The following ASTN2 variants were observed in gnomAD, a reference collection of about 807,000 sequenced individuals.
ASTN2 encodes the protein astrotactin-2.
In ASTN2, 54 loss-of-function variants were observed where a neutral mutation model predicts 139.8. The ratio of observed to expected loss-of-function variants is 0.39; its 90% confidence interval spans 0.31 to 0.48. The LOEUF (loss-of-function observed/expected upper bound fraction) is 0.48. ASTN2 is among the 20% of genes least tolerant of loss of function. ASTN2 has a pLI of 0.95. For synonymous variants in ASTN2, 756 were observed against 719.5 expected (o/e 1.05, Z -0.81); for missense variants, 1,565 against 1,725.1 (o/e 0.91, Z 1.64).
chr9:116,573,510 A>AT (rs771352855), intron 19 of ASTN2, among the ~76,000 whole-genome samples: 8 of 152,172 alleles, frequency 5.3e-5, no homozygotes, highest in African/African-American at 9.6e-5. Context: ...TGAATAATGG[A>AT]TTTTTTTTCC....
chr9:117,226,591 G>A (rs79546272), intron 2 of ASTN2, among the ~76,000 whole-genome samples: 2 of 133,190 alleles, frequency 1.5e-5, no homozygotes, highest in East Asian at 2.0e-4. Flanking sequence ...CTCATAAAGC[G>A]GGTTTGTTTG....
At chr9:117,218,574 T>A (rs951827858) in intron 2 of ASTN2, among the ~76,000 whole-genome samples, 2 of 151,952 alleles carry the variant, frequency 1.3e-5, no homozygotes, top group African/African-American at 4.8e-5. Flanking sequence ...AATCTGAACA[T>A]CCCTCCCTCC....
intron 19 of ASTN2, among the ~76,000 whole-genome samples, chr9:116,614,599 T>C (rs149781650): frequency 0.012 from 1,860 of 152,006 alleles, 24 homozygotes; most frequent in African/African-American, 0.039. Context: ...CTTTGACAAA[T>C]CTGACAAAAA....
intron 1 of ASTN2, among the ~76,000 whole-genome samples, chr9:117,299,929 G>A (rs1834834888): frequency 1.3e-5 from 2 of 152,286 alleles, no homozygotes; most frequent in Admixed American, 6.5e-5. Context: ...GTATCCTGGA[G>A]CACAAATTAC....
intron 11 of ASTN2, among the ~76,000 whole-genome samples, chr9:116,856,579 C>T (rs1588358166): frequency 6.6e-6 from 1 of 152,188 alleles, no homozygotes; most frequent in East Asian, 1.9e-4. Flanking sequence ...AACCAGATTC[C>T]AGCTTTTGCC....
At chr9:117,041,768 G>A (rs576131514) in intron 5 of ASTN2, among the ~76,000 whole-genome samples, 71 of 152,262 alleles carry the variant, frequency 4.7e-4, no homozygotes, top group Non-Finnish European at 8.4e-4. Flanking sequence ...CTGAATTACT[G>A]CAGTGCTCCT....
intron 19 of ASTN2, among the ~76,000 whole-genome samples, chr9:116,550,619 T>C (rs146940311): frequency 1.5e-3 from 228 of 152,218 alleles, no homozygotes; most frequent in African/African-American, 4.2e-3. Flanking sequence ...AGTGCTGCAA[T>C]ATAAGGATGT....
At chr9:116,974,506 C>CTTTTTTT (rs3038410) in intron 10 of ASTN2, among the ~76,000 whole-genome samples, 2 of 110,920 alleles carry the variant, frequency 1.8e-5, no homozygotes, top group Non-Finnish European at 3.6e-5. Context: ...TTAGCCTGGA[C>CTTTTTTT]TTTTTTTTTT....
chr9:117,186,322 A>G (rs927626084), intron 3 of ASTN2, among the ~76,000 whole-genome samples: 6 of 152,056 alleles, frequency 3.9e-5, no homozygotes, highest in South Asian at 2.1e-4. Context: ...TGAGGCGGGC[A>G]GATCACGAGG....
chr9:116,743,008 A>T (rs1829134768), intron 13 of ASTN2, among the ~76,000 whole-genome samples: 1 of 152,140 alleles, frequency 6.6e-6, no homozygotes, highest in Non-Finnish European at 1.5e-5. Flanking sequence ...GCTCAGAGCC[A>T]AGCTCAAACA....
chr9:116,876,066 A>G (rs1326933935), intron 10 of ASTN2, among the ~76,000 whole-genome samples: 3 of 152,230 alleles, frequency 2.0e-5, no homozygotes, highest in Admixed American at 1.3e-4. Flanking sequence ...TCTGGGTAAA[A>G]TAAATTAAAA....
Position 117,281,581 on chromosome 9 carries a change from T to A in ASTN2, c.630+9745A>T, listed in dbSNP as rs139634554. ...TGTGCTCACAGCATTCATTTTGTGT[T>A]GCTGTTAAAATACCACACAAAAGCC... On this transcript the variant is annotated intron_variant, in intron 2 of 22. Transcript: ENST00000313400. Among the ~76,000 whole-genome samples the A allele has an allele frequency of 4.9e-4, 75 of 152,296 alleles. No individual in the cohort carries two copies. In the Middle Eastern group the frequency reaches 0.01, roughly 21 times the overall value.
intron 20 of ASTN2, among the ~76,000 whole-genome samples, chr9:116,444,266 A>T (rs1289172813): frequency 6.6e-6 from 1 of 151,878 alleles, no homozygotes; most frequent in Non-Finnish European, 1.5e-5. Context: ...GTAGAAATCA[A>T]CTCTGTAAAA....
At chr9:116,676,966 A>G (rs1164627710) in intron 16 of ASTN2, among the ~76,000 whole-genome samples, 2 of 152,234 alleles carry the variant, frequency 1.3e-5, no homozygotes, top group Non-Finnish European at 2.9e-5. Context: ...CTAGGAAGTT[A>G]CCTTTGGTAA....
chr9:116,502,626 C>T (rs865870884), intron 19 of ASTN2, among the ~76,000 whole-genome samples: 6 of 147,288 alleles, frequency 4.1e-5, no homozygotes, highest in African/African-American at 7.6e-5. Flanking sequence ...CAGAGAAAAT[C>T]GGGGTCAGAA....
chr9:116,687,012 G>A (rs1860262621), intron 16 of ASTN2: 2 of 1,399,112 alleles, frequency 1.4e-6, no homozygotes, highest in Non-Finnish European at 1.9e-6. Flanking sequence ...TTTGTGAAGG[G>A]GTAGACATTG....
intron 2 of ASTN2, among the ~76,000 whole-genome samples, chr9:117,224,174 A>G (rs1832624272): frequency 6.6e-6 from 1 of 152,214 alleles, no homozygotes; most frequent in Non-Finnish European, 1.5e-5. Flanking sequence ...GTCTATTGAC[A>G]TTTTTGTTAG....
chr9:116,434,148 A>C (rs377042296), intron 22 of ASTN2, among the ~76,000 whole-genome samples: 3 of 152,304 alleles, frequency 2.0e-5, no homozygotes, highest in African/African-American at 7.2e-5. Context: ...CTTCAATTAT[A>C]AGATATACCC....
intron 13 of ASTN2, among the ~76,000 whole-genome samples, chr9:116,791,418 T>C (rs942980155): frequency 6.6e-6 from 1 of 152,238 alleles, no homozygotes; most frequent in African/African-American, 2.4e-5. Context: ...TGGACTCCAT[T>C]AAGAATGCAT....
Sources: gnomAD v4.1 joint callset for allele counts (sites outside exome capture counted in the v4.1 genomes callset) on GRCh38, gnomAD v4.1.1 for gene constraint, MANE v1.5 for transcripts, NCBI Gene and HGNC (gene_info 2026-07-23, HGNC 2026-07-21) for gene names.